The following CHODL variants were observed in gnomAD, a reference collection of about 807,000 sequenced individuals.
CHODL encodes transmembrane protein MT75.
CHODL carries 29 observed loss-of-function variants against 34.5 expected under a neutral mutation model. The ratio of observed to expected loss-of-function variants is 0.84; its 90% CI spans 0.63 to 1.15. The LOEUF (loss-of-function observed/expected upper bound fraction) is 1.15, where lower values mean the gene tolerates loss of function less well. Ranked by LOEUF, CHODL falls within the 50% of genes most tolerant of loss-of-function variation. The probability of loss-of-function intolerance (pLI) is 0.00; values close to 1 mark genes in which losing one functional copy is unlikely to be tolerated. For synonymous variants in CHODL, 125 were observed against 116.1 expected (o/e 1.08, Z -0.49); for missense variants, 332 against 332.5 (o/e 1.00, Z 0.01).
intron 2 of CHODL, among the ~76,000 whole-genome samples, chr21:18,067,282 G>T (rs2064743796): frequency 6.6e-6 from 1 of 152,178 alleles, no homozygotes; most frequent in Non-Finnish European, 1.5e-5. Flanking sequence ...CTCAGAATGT[G>T]ATCTTATTTG....
chr21:17,964,813 G>C (rs978717756), intron 1 of CHODL, among the ~76,000 whole-genome samples: 3 of 152,114 alleles, frequency 2.0e-5, no homozygotes, highest in Non-Finnish European at 4.4e-5. Flanking sequence ...GATCTATTTT[G>C]ATCAAGTTAA....
chr21:18,168,625 CTT>C, intron 2 of CHODL, among the ~76,000 whole-genome samples: 1 of 152,030 alleles, frequency 6.6e-6, no homozygotes, highest in African/African-American at 2.4e-5. Flanking sequence ...ATGTGGTTGT[CTT>C]TTTATTGTTG....
chr21:18,028,266 TTTTCCTTTTCCCCTTCCTTCCTTCC>T (rs2064201819), intron 2 of CHODL, among the ~76,000 whole-genome samples: 1 of 44,306 alleles, frequency 2.3e-5, no homozygotes, highest in Admixed American at 2.4e-4. Context: ...TTCTTTTTCT[TTTTCCTTTTCCCCTTCCTTCCTTCC>T]TTCCTTCCTT....
chr21:18,165,417 C>A lies in CHODL; in HGVS notation c.-44-91092C>A, dbSNP rs17002426. Among the ~76,000 whole-genome samples, 947 of 152,304 alleles carry A rather than the reference C, an allele frequency of 6.2e-3. 6 individuals carry two copies. The highest frequency in any genetic ancestry group is 0.022 in the African/African-American group (908 of 41,564). On this transcript the variant is annotated intron_variant, in intron 2 of 6. Transcript: ENST00000400127. ...TGTTTTTCCTTTGACATTTATTATA[C>A]ATTCTGGTATCTATTGCTGCATATA...
chr21:18,131,571 A>AT (rs1459433589), intron 2 of CHODL, among the ~76,000 whole-genome samples: 1 of 152,144 alleles, frequency 6.6e-6, no homozygotes, highest in Non-Finnish European at 1.5e-5. Context: ...TCATCCTGTA[A>AT]TTTAAGTATG....
At chr21:18,115,239 C>T (rs2065398187) in intron 2 of CHODL, among the ~76,000 whole-genome samples, 1 of 152,216 alleles carries the variant, frequency 6.6e-6, no homozygotes, top group Admixed American at 6.5e-5. Context: ...AATCCTGGAA[C>T]TCAGCTTCTT....
At chr21:18,143,384 T>G (rs1482215634) in intron 2 of CHODL, among the ~76,000 whole-genome samples, 5 of 152,156 alleles carry the variant, frequency 3.3e-5, no homozygotes, top group African/African-American at 9.6e-5. Flanking sequence ...AATAATAAAA[T>G]GTTTCATGAT....
At chr21:17,919,822 A>G (rs551705588) in intron 1 of CHODL, among the ~76,000 whole-genome samples, 3 of 152,276 alleles carry the variant, frequency 2.0e-5, no homozygotes, top group Non-Finnish European at 4.4e-5. Flanking sequence ...AACAGCACCC[A>G]AGTCACCTCT....
At chr21:18,251,729 T>A (rs138287969) in intron 1 of CHODL, among the ~76,000 whole-genome samples, 1,515 of 102,408 alleles carry the variant, frequency 0.015, 24 homozygotes, top group Middle Eastern at 0.036. Context: ...AAATAAATAT[T>A]TATTTTATTT....
At chr21:18,246,073 C>A in intron 1 of CHODL, 1 of 775,588 alleles carries the variant, frequency 1.3e-6, no homozygotes. Flanking sequence ...CTCTCACTGT[C>A]CTGTCGTTGA....
At chr21:18,131,861 A>T (rs1256512588) in intron 2 of CHODL, among the ~76,000 whole-genome samples, 1 of 151,480 alleles carries the variant, frequency 6.6e-6, no homozygotes, top group Non-Finnish European at 1.5e-5. Context: ...CCCTTATTTC[A>T]TTCTTCCATT....
chr21:18,163,194 T>C (rs2073116718), intron 2 of CHODL, among the ~76,000 whole-genome samples: 1 of 152,238 alleles, frequency 6.6e-6, no homozygotes, highest in Non-Finnish European at 1.5e-5. Flanking sequence ...AATTGAATTA[T>C]GATAAGGCAG....
chr21:18,165,050 A>T (rs539643001), intron 2 of CHODL, among the ~76,000 whole-genome samples: 1 of 152,050 alleles, frequency 6.6e-6, no homozygotes, highest in South Asian at 2.1e-4. Context: ...TGGAACGGAT[A>T]GTTCTTTATC....
chr21:17,919,967 T>A (rs1416173327), intron 1 of CHODL, among the ~76,000 whole-genome samples: 1 of 152,194 alleles, frequency 6.6e-6, no homozygotes, highest in Non-Finnish European at 1.5e-5. Context: ...AAGAGTCACC[T>A]TTGCTCCAGT....
chr21:18,187,534 T>C (rs2073458958), intron 2 of CHODL, among the ~76,000 whole-genome samples: 1 of 152,208 alleles, frequency 6.6e-6, no homozygotes, highest in South Asian at 2.1e-4. Context: ...ACTGTTTCCT[T>C]CTTCTTCCAT....
At chr21:18,078,115 A>T (rs1389057940) in intron 2 of CHODL, among the ~76,000 whole-genome samples, 1 of 152,112 alleles carries the variant, frequency 6.6e-6, no homozygotes, top group Non-Finnish European at 1.5e-5. Context: ...TTCATTTGTA[A>T]AACGGTGTAT....
At chr21:17,951,445 CCAT>C (rs1266574460) in intron 1 of CHODL, among the ~76,000 whole-genome samples, 2 of 152,142 alleles carry the variant, frequency 1.3e-5, no homozygotes, top group African/African-American at 4.8e-5. Flanking sequence ...GACTAAGAGA[CCAT>C]GAGATCTCAA....
In CHODL at chr21:18,063,974, A is replaced by G. The variant is rs536481405; in HGVS notation, c.-45+36003A>G. ...AAAGTTCATTCTGTCTTCCTAGATGATGTCCCTGTTTCCTAACCAAACTTG... is the reference window on the plus strand; with the variant it reads ...AAAGTTCATTCTGTCTTCCTAGATGGTGTCCCTGTTTCCTAACCAAACTTG... On this transcript the variant is annotated intron_variant, in intron 2 of 6. Transcript: ENST00000400127. Among the ~76,000 whole-genome samples the G allele has an allele frequency of 5.3e-4, 81 of 152,200 alleles. 1 individual carries two copies. Among genetic ancestry groups the G allele is most frequent in the Non-Finnish European group, 7.6e-4 (52 of 68,016 alleles).
chr21:18,015,088 A>G (rs2064059636), intron 1 of CHODL, among the ~76,000 whole-genome samples: 1 of 152,184 alleles, frequency 6.6e-6, no homozygotes, highest in African/African-American at 2.4e-5. Flanking sequence ...GACATGGACA[A>G]TGAAGTCCAG....
Sources: allele counts gnomAD v4.1 joint callset (sites outside exome capture counted in the v4.1 genomes callset), GRCh38; gene constraint gnomAD v4.1.1; transcripts MANE v1.5; gene names NCBI Gene and HGNC (gene_info 2026-07-23, HGNC 2026-07-21).